The following CORO2B variants were observed in gnomAD, a reference collection of about 807,000 sequenced individuals.
CORO2B encodes coronin 2B, also known as coronin-2B.
Under a neutral mutation model 58.8 loss-of-function variants are expected in CORO2B, and 26 were observed. That is an observed-to-expected ratio of 0.44 (90% CI 0.32 to 0.61). The LOEUF is 0.61. Ranked by LOEUF, CORO2B falls within the 20% of genes least tolerant of loss-of-function variation. CORO2B has a pLI of 0.04. For synonymous variants in CORO2B, 242 were observed against 253.8 expected (o/e 0.95, Z 0.44); for missense variants, 460 against 645.1 (o/e 0.71, Z 3.11).
At chr15:68,688,914 G>C (rs1482430798) in intron 2 of CORO2B, among the ~76,000 whole-genome samples, 2 of 152,138 alleles carry the variant, frequency 1.3e-5, no homozygotes, top group Admixed American at 6.5e-5. Flanking sequence ...TCATCCTGGA[G>C]CAGGGCGTCC....
intron 1 of CORO2B, among the ~76,000 whole-genome samples, chr15:68,640,887 G>A (rs993396813): frequency 5.3e-5 from 8 of 152,218 alleles, no homozygotes; most frequent in African/African-American, 1.9e-4. Flanking sequence ...GCAGCAAAGT[G>A]TCTTTCCCAA....
At chr15:68,673,747 G>T (rs1026393623) in intron 2 of CORO2B, among the ~76,000 whole-genome samples, 1 of 150,090 alleles carries the variant, frequency 6.7e-6, no homozygotes, top group Non-Finnish European at 1.5e-5. Context: ...TGAGGCAGGA[G>T]AATCACCTGA....
chr15:68,608,079 T>C (rs1900166760), intron 1 of CORO2B, among the ~76,000 whole-genome samples: 1 of 152,236 alleles, frequency 6.6e-6, no homozygotes, highest in South Asian at 2.1e-4. Context: ...TTGACACTGG[T>C]GAAATGCCAC....
the CORO2B span, among the ~76,000 whole-genome samples, chr15:68,561,260 C>T: frequency 7.2e-5 from 11 of 152,278 alleles, no homozygotes; most frequent in South Asian, 2.1e-4. Context: ...GCATATGCCA[C>T]GCTGGGCGGC....
At chr15:68,713,510 G>T (rs1025273322) in intron 5 of CORO2B, among the ~76,000 whole-genome samples, 2 of 152,152 alleles carry the variant, frequency 1.3e-5, no homozygotes, top group African/African-American at 4.8e-5. Flanking sequence ...CCATTCCAGA[G>T]GCCAGATGTC....
At chr15:68,547,304 G>A in the CORO2B span, among the ~76,000 whole-genome samples, 23,011 of 152,094 alleles carry the variant, frequency 0.15, 2,101 homozygotes, top group Middle Eastern at 0.25. Flanking sequence ...AAAAGACCCT[G>A]TAAAAATTAC....
chr15:68,630,403 G>T (rs1243451742), intron 1 of CORO2B, among the ~76,000 whole-genome samples: 1 of 147,286 alleles, frequency 6.8e-6, no homozygotes, highest in Admixed American at 6.7e-5. Flanking sequence ...AGGGATGAGA[G>T]AAAACCTCGA....
chr15:68,559,848 C>A, the CORO2B span, among the ~76,000 whole-genome samples: 1 of 152,242 alleles, frequency 6.6e-6, no homozygotes, highest in Admixed American at 6.5e-5. The surrounding 1 kb of genome is among the most constrained non-coding windows in gnomAD (Gnocchi z 4.3). Flanking sequence ...CGCAAACGCG[C>A]GCGCACGGAG....
the CORO2B span, among the ~76,000 whole-genome samples, chr15:68,559,311 G>T: frequency 6.6e-6 from 1 of 152,104 alleles, no homozygotes; most frequent in African/African-American, 2.4e-5. The surrounding 1 kb of genome is among the most constrained non-coding windows in gnomAD (Gnocchi z 4.3). Flanking sequence ...CAGGAAGAGA[G>T]ACAGCCTTCA....
At chr15:68,702,992 A>C (rs1309763500) in intron 3 of CORO2B, among the ~76,000 whole-genome samples, 1 of 150,992 alleles carries the variant, frequency 6.6e-6, no homozygotes, top group Non-Finnish European at 1.5e-5. Flanking sequence ...ACTCCCAGCT[A>C]ATTTTTGTAT....
intron 1 of CORO2B, among the ~76,000 whole-genome samples, chr15:68,606,898 C>T (rs1255717164): frequency 2.6e-5 from 4 of 152,062 alleles, no homozygotes; most frequent in Non-Finnish European, 5.9e-5. Flanking sequence ...CGTAGGTGCT[C>T]AATATATCCT....
intron 1 of CORO2B, among the ~76,000 whole-genome samples, chr15:68,595,979 C>T (rs1899819298): frequency 6.6e-6 from 1 of 151,926 alleles, no homozygotes; most frequent in Non-Finnish European, 1.5e-5. Flanking sequence ...GTGGGGTGCT[C>T]CCGAGCCACG....
At chr15:68,705,299 G>A (rs10851789) in intron 3 of CORO2B, among the ~76,000 whole-genome samples, 92,926 of 151,894 alleles carry the variant, frequency 0.61, 31,081 homozygotes, top group East Asian at 0.87. Flanking sequence ...TTAGCTGGGC[G>A]TGGTGGTGGG....
chr15:68,527,338 C>T, the CORO2B span, among the ~76,000 whole-genome samples: 1 of 151,974 alleles, frequency 6.6e-6, no homozygotes, highest in Non-Finnish European at 1.5e-5. Flanking sequence ...TTATCTTCCA[C>T]CTTTAGATCT....
At chr15:68,632,306 T>G in intron 1 of CORO2B, 2 of 985,450 alleles carry the variant, frequency 2.0e-6, no homozygotes, top group Non-Finnish European at 2.4e-6. Flanking sequence ...TTGTTTCCTC[T>G]GAAGCTTGTC....
chr15:68,724,645 T>C (rs1893248986), intron 11 of CORO2B, among the ~76,000 whole-genome samples: 2 of 152,192 alleles, frequency 1.3e-5, no homozygotes, highest in South Asian at 2.1e-4. Flanking sequence ...TTCTAAAGCA[T>C]TTAATTAAGT....
intron 5 of CORO2B, among the ~76,000 whole-genome samples, 199 bp from the exon 6 acceptor site, chr15:68,713,726 C>G (rs1403671328): frequency 6.6e-6 from 1 of 152,212 alleles, no homozygotes. Context: ...CATCCAGGAT[C>G]CACCTGGATA....
intron 1 of CORO2B, among the ~76,000 whole-genome samples, chr15:68,615,358 T>A (rs1370560663): frequency 6.6e-6 from 1 of 152,216 alleles, no homozygotes; most frequent in East Asian, 1.9e-4. Context: ...TGCCAGGTCT[T>A]GCTCCTCTCT....
chr15:68,560,715 G>A, the CORO2B span, among the ~76,000 whole-genome samples: 4 of 152,176 alleles, frequency 2.6e-5, no homozygotes, highest in Admixed American at 2.0e-4. Flanking sequence ...TTGCTGGTCA[G>A]GGCCGCTCTC....
Sources: gnomAD v4.1 joint callset for allele counts (sites outside exome capture counted in the v4.1 genomes callset) on GRCh38, gnomAD v4.1.1 for gene constraint, Gnocchi (gnomAD v3.1) non-coding constraint, MANE v1.5 for transcripts, NCBI Gene and HGNC (gene_info 2026-07-23, HGNC 2026-07-21) for gene names.